The following KHDRBS2 variants were observed in gnomAD, a reference collection of about 807,000 sequenced individuals.
The protein encoded by KHDRBS2 is KH RNA binding domain containing, signal transduction associated 2.
KHDRBS2 carries 26 observed loss-of-function variants against 44.3 expected under a neutral mutation model. The ratio of observed to expected loss-of-function variants is 0.59; its 90% CI spans 0.43 to 0.81. KHDRBS2 has a LOEUF of 0.81. KHDRBS2 is among the 40% of genes least tolerant of loss of function. The probability of loss-of-function intolerance (pLI) is 0.00; values close to 1 mark genes in which losing one functional copy is unlikely to be tolerated. For synonymous variants in KHDRBS2, 194 were observed against 151.1 expected, an observed-to-expected ratio of 1.28 and a Z score of -2.08; for missense variants, 476 against 433.1, an observed-to-expected ratio of 1.10 and a Z score of -0.88.
At chr6:61,868,944 G>T (rs1798192612) in intron 6 of KHDRBS2, among the ~76,000 whole-genome samples, 1 of 152,200 alleles carries the variant, frequency 6.6e-6, no homozygotes, top group African/African-American at 2.4e-5. Flanking sequence ...ACATAGCTCT[G>T]TATGTTGGAC....
chr6:61,777,152 G>T (rs1475064816), intron 6 of KHDRBS2, among the ~76,000 whole-genome samples: 2 of 151,968 alleles, frequency 1.3e-5, no homozygotes, highest in African/African-American at 4.8e-5. Context: ...GTGGGGGAAG[G>T]GGGGACGGGT....
chr6:61,766,735 G>A (rs1229417856), intron 6 of KHDRBS2, among the ~76,000 whole-genome samples: 1 of 152,026 alleles, frequency 6.6e-6, no homozygotes, highest in Non-Finnish European at 1.5e-5. Context: ...TCATTTAGAA[G>A]TATATTGTTT....
intron 5 of KHDRBS2, among the ~76,000 whole-genome samples, chr6:61,898,272 T>C (rs1351557753): frequency 1.3e-5 from 2 of 151,984 alleles, no homozygotes; most frequent in Admixed American, 6.6e-5. Flanking sequence ...CTATTTTCTT[T>C]TTTTTTGTGG....
At chr6:61,740,950 CTT>C (rs1425693016) in intron 6 of KHDRBS2, among the ~76,000 whole-genome samples, 3 of 151,802 alleles carry the variant, frequency 2.0e-5, no homozygotes, top group Non-Finnish European at 4.4e-5. Context: ...AGAAGACAAA[CTT>C]AATTTACAGA....
chr6:62,269,528 C>A (rs2150187426), intron 1 of KHDRBS2, among the ~76,000 whole-genome samples: 1 of 152,114 alleles, frequency 6.6e-6, no homozygotes, highest in East Asian at 1.9e-4. Context: ...ATCAAAACCA[C>A]AGTAAGTTAC....
At chr6:62,203,869 A>T (rs1465193422) in intron 1 of KHDRBS2, among the ~76,000 whole-genome samples, 1 of 152,176 alleles carries the variant, frequency 6.6e-6, no homozygotes, top group Admixed American at 6.6e-5. Flanking sequence ...GGAAGGCCTA[A>T]TGGCAGACGT....
intron 1 of KHDRBS2, among the ~76,000 whole-genome samples, chr6:62,245,143 C>T (rs1021698936): frequency 3.3e-5 from 5 of 152,182 alleles, no homozygotes; most frequent in African/African-American, 1.2e-4. Flanking sequence ...ATGGAAAGTG[C>T]AAATCAAAAA....
chr6:61,978,779 C>T lies in KHDRBS2; in HGVS notation c.337-567G>A, dbSNP rs1371776600. Among the ~76,000 whole-genome samples the T allele has an allele frequency of 5.3e-5, 8 of 152,000 alleles. No individual in the cohort carries two copies. In the East Asian group the frequency reaches 1.5e-3, roughly 29 times the overall value. ...CCCACAGCTTTTCTATCGCTTGCTG[C>T]CTTTATTTATTTATTTTGTCAACAG... On this transcript the variant is annotated intron_variant, in intron 3 of 8. Coordinates refer to ENST00000281156, the MANE Select transcript of KHDRBS2 (RefSeq NM_152688.4).
the KHDRBS2 span, among the ~76,000 whole-genome samples, chr6:61,674,431 C>T: frequency 6.6e-6 from 1 of 151,718 alleles, no homozygotes; most frequent in Non-Finnish European, 1.5e-5. Flanking sequence ...CTTTGCTATA[C>T]ATCTTAGCAG....
chr6:62,056,710 T>A (rs938323628), intron 2 of KHDRBS2, among the ~76,000 whole-genome samples: 9 of 151,962 alleles, frequency 5.9e-5, no homozygotes, highest in African/African-American at 2.2e-4. Context: ...TCTTTCCCCT[T>A]TATTGATGAC....
chr6:61,672,979 G>T, the KHDRBS2 span, among the ~76,000 whole-genome samples: 2 of 151,880 alleles, frequency 1.3e-5, no homozygotes, highest in African/African-American at 4.8e-5. Flanking sequence ...TATGGTTTTA[G>T]GTCTAAGGTT....
At chr6:61,828,905 C>T (rs1452701029) in intron 6 of KHDRBS2, among the ~76,000 whole-genome samples, 1 of 152,118 alleles carries the variant, frequency 6.6e-6, no homozygotes, top group Non-Finnish European at 1.5e-5. Context: ...ACAAATGAAC[C>T]TTAAGTTGTG....
intron 6 of KHDRBS2, among the ~76,000 whole-genome samples, chr6:61,815,121 C>A (rs1430262241): frequency 6.6e-6 from 1 of 151,682 alleles, no homozygotes; most frequent in African/African-American, 2.4e-5. Context: ...ATTTTCCACC[C>A]CAGGTTGGTT....
intron 5 of KHDRBS2, among the ~76,000 whole-genome samples, chr6:61,897,664 T>C (rs771463936): frequency 6.6e-6 from 1 of 152,226 alleles, no homozygotes; most frequent in African/African-American, 2.4e-5. Flanking sequence ...GATGATGGAA[T>C]TGTTTTCTCA....
intron 2 of KHDRBS2, among the ~76,000 whole-genome samples, chr6:62,153,006 T>C (rs1456120347): frequency 6.6e-6 from 1 of 152,226 alleles, no homozygotes; most frequent in African/African-American, 2.4e-5. Context: ...TGTGGCTCAC[T>C]GGTGATTACG....
intron 8 of KHDRBS2, among the ~76,000 whole-genome samples, chr6:61,692,967 G>T (rs182802901): frequency 1.3e-4 from 20 of 152,140 alleles, no homozygotes; most frequent in Admixed American, 1.2e-3. Context: ...ACATTCCATT[G>T]GAATTTAGTA....
intron 6 of KHDRBS2, among the ~76,000 whole-genome samples, chr6:61,848,514 T>C (rs1274388350): frequency 1.9e-4 from 10 of 51,372 alleles, no homozygotes; most frequent in African/African-American, 5.5e-4. Context: ...TATATATGTA[T>C]ATATGTATAT....
chr6:62,044,930 C>T (rs1787353458), intron 3 of KHDRBS2, among the ~76,000 whole-genome samples: 2 of 152,076 alleles, frequency 1.3e-5, no homozygotes, highest in African/African-American at 4.8e-5. Context: ...GGTATGTGTC[C>T]TTGGACATAT....
chr6:62,115,140 C>T (rs2150077987), intron 2 of KHDRBS2, among the ~76,000 whole-genome samples: 1 of 152,152 alleles, frequency 6.6e-6, no homozygotes. Context: ...ATTCTCATTT[C>T]AAAATTAATG....
Sources: allele counts gnomAD v4.1 joint callset (sites outside exome capture counted in the v4.1 genomes callset), GRCh38; gene constraint gnomAD v4.1.1; transcripts MANE v1.5; gene names NCBI Gene and HGNC (gene_info 2026-07-23, HGNC 2026-07-21).